SUMF1: variants seen among roughly 807,000 people sequenced by gnomAD.
The protein encoded by SUMF1 is sulfatase modifying factor 1, also known as formylglycine-generating enzyme.
In SUMF1, 48 loss-of-function variants were observed where a neutral mutation model predicts 47.6. The ratio of observed to expected loss-of-function variants is 1.01; its 90% CI spans 0.80 to 1.28. The LOEUF (loss-of-function observed/expected upper bound fraction) is 1.28, where lower values mean the gene tolerates loss of function less well. Ranked by LOEUF, SUMF1 falls within the 50% of genes most tolerant of loss-of-function variation. The pLI is 0.00. For missense variants in SUMF1, 571 were observed against 485.4 expected, an observed-to-expected ratio of 1.18 and a Z score of -1.66; for synonymous variants, 230 against 192.1, an observed-to-expected ratio of 1.20 and a Z score of -1.63.
At chr3:4,331,739 A>G in intron 8 of SUMF1, among the ~76,000 whole-genome samples, 1 of 152,208 alleles carries the variant, frequency 6.6e-6, no homozygotes, top group East Asian at 1.9e-4. Flanking sequence ...CTGAGGCAGG[A>G]GAATTGCGTG....
intron 1 of SUMF1, among the ~76,000 whole-genome samples, chr3:4,460,910 C>T (rs1206021256): frequency 2.0e-5 from 3 of 152,010 alleles, no homozygotes; most frequent in East Asian, 1.9e-4. Flanking sequence ...CTGCTTCAGC[C>T]TCCCAAAGTG....
intron 8 of SUMF1, among the ~76,000 whole-genome samples, chr3:4,294,929 C>A (rs144511662): frequency 3.9e-5 from 6 of 152,126 alleles, no homozygotes; most frequent in Non-Finnish European, 5.9e-5. Context: ...TCAATTCCTA[C>A]GTAGAGATCC....
intron 8 of SUMF1, among the ~76,000 whole-genome samples, chr3:4,146,008 G>T (rs988067529): frequency 1.3e-5 from 2 of 152,138 alleles, no homozygotes; most frequent in African/African-American, 2.4e-5. Context: ...TCTCCCTGTT[G>T]TGTCGACTTG....
chr3:4,387,494 G>C (rs927577156), intron 7 of SUMF1, among the ~76,000 whole-genome samples: 2 of 151,862 alleles, frequency 1.3e-5, no homozygotes, highest in African/African-American at 4.8e-5. Flanking sequence ...TGCTTTGTCA[G>C]ACTTGCTAGA....
intron 8 of SUMF1, among the ~76,000 whole-genome samples, chr3:4,215,963 G>C (rs995830034): frequency 6.6e-6 from 1 of 152,090 alleles, no homozygotes; most frequent in Non-Finnish European, 1.5e-5. Context: ...TGGTCATACT[G>C]CCCAAAGTAA....
In SUMF1 at chr3:4,382,734, G is replaced by A. The variant is rs186280729; in HGVS notation, c.955-6345C>T. 2.6e-3 allele frequency among the ~76,000 whole-genome samples: 399 copies of A among 152,286 alleles called. 3 individuals are homozygous for A. Among genetic ancestry groups the A allele is most frequent in the African/African-American group, 9.2e-3 (381 of 41,550 alleles). The stretch of plus-strand genomic sequence containing the variant: ...GCACATATACACCATGGGATACTAC[G>A]TAGCCATAAAAAAGGATGAGCTCAT... On this transcript the variant is annotated intron_variant, in intron 7 of 8. Transcript: ENST00000272902.
chr3:4,456,971 C>T (rs1288233052), intron 1 of SUMF1, among the ~76,000 whole-genome samples: 183 of 34,284 alleles, frequency 5.3e-3, no homozygotes, highest in Non-Finnish European at 7.1e-3. Context: ...TATATATATA[C>T]GTGTGTGTAT....
chr3:4,037,987 G>C (rs983808007), intron 9 of SUMF1, among the ~76,000 whole-genome samples: 7 of 152,070 alleles, frequency 4.6e-5, no homozygotes, highest in African/African-American at 1.4e-4. Flanking sequence ...TAGATGTAGT[G>C]GTCAGTTAGC....
At chr3:4,302,197 G>T (rs1697985309) in intron 8 of SUMF1, among the ~76,000 whole-genome samples, 1 of 152,214 alleles carries the variant, frequency 6.6e-6, no homozygotes, top group African/African-American at 2.4e-5. Context: ...CAGTCCTGAT[G>T]ACATGTGCCC....
chr3:4,248,067 G>T (rs1696708546), intron 8 of SUMF1, among the ~76,000 whole-genome samples: 1 of 152,290 alleles, frequency 6.6e-6, no homozygotes, highest in Non-Finnish European at 1.5e-5. Context: ...CATTATCATG[G>T]CTTTTGATAT....
At chr3:4,466,656 G>A (rs1408592045) in intron 1 of SUMF1, among the ~76,000 whole-genome samples, 1 of 152,156 alleles carries the variant, frequency 6.6e-6, no homozygotes, top group African/African-American at 2.4e-5. Context: ...CCGTTAATAA[G>A]AGAGGAAATG....
rs140252596 is a variant in SUMF1 at position 4,307,068 on chromosome 3, T to A, written c.1014+69262A>T. 2.3e-4 allele frequency among the ~76,000 whole-genome samples: 35 copies of A among 152,314 alleles called. No homozygotes were observed. The East Asian group carries it at 5.4e-3, about 23-fold the overall frequency. ...GCTGCTTGGAGGAAAAACAAACTTA[T>A]GAGGCTAGAGGCCAAGTACAAAGAT... is the stretch of plus-strand genomic sequence containing the variant. On this transcript the variant is annotated intron_variant and NMD_transcript_variant, in intron 8 of 12. Transcript: ENST00000448413.
chr3:4,456,880 GTGTGTGTATATATA>G (rs2079649181), intron 1 of SUMF1, among the ~76,000 whole-genome samples: 1 of 84,510 alleles, frequency 1.2e-5, no homozygotes, highest in South Asian at 3.3e-4. Context: ...ATATCTATAT[GTGTGTGTATATATA>G]TGTGTGTGTA....
chr3:4,420,454 G>A (rs1347822672), intron 3 of SUMF1, among the ~76,000 whole-genome samples: 2 of 150,566 alleles, frequency 1.3e-5, no homozygotes, highest in East Asian at 2.0e-4. Flanking sequence ...GGAGTGCAGG[G>A]GTTGCAATCT....
intron 8 of SUMF1, chr3:4,313,125 C>G (rs762422975): frequency 1.2e-6 from 2 of 1,613,856 alleles, no homozygotes; most frequent in African/African-American, 1.3e-5. Context: ...GTGACCACTG[C>G]AGAAACAGAG....
intron 9 of SUMF1, among the ~76,000 whole-genome samples, chr3:4,039,198 C>T (rs1418763758): frequency 2.0e-5 from 2 of 97,576 alleles, no homozygotes; most frequent in Non-Finnish European, 4.1e-5. Context: ...ATGCCTGAAA[C>T]ATCTATGCAA....
At chr3:4,211,990 C>T (rs926039281) in intron 8 of SUMF1, among the ~76,000 whole-genome samples, 48 of 152,164 alleles carry the variant, frequency 3.2e-4, no homozygotes, top group African/African-American at 1.1e-3. Flanking sequence ...GAAGGGGTGG[C>T]TGTGGGCACA....
chr3:4,165,546 AGTTGTG>A (rs1694680029), intron 8 of SUMF1, among the ~76,000 whole-genome samples: 1 of 152,058 alleles, frequency 6.6e-6, no homozygotes, highest in Non-Finnish European at 1.5e-5. Context: ...AACTTTGCAT[AGTTGTG>A]GATTATCTTT....
At chr3:4,465,662 CA>C (rs771646396) in intron 1 of SUMF1, among the ~76,000 whole-genome samples, 51 of 151,948 alleles carry the variant, frequency 3.4e-4, no homozygotes, top group Non-Finnish European at 8.8e-5. Flanking sequence ...AAGTAAAGGC[CA>C]AAAATTATAC....
Sources: allele counts gnomAD v4.1 joint callset (sites outside exome capture counted in the v4.1 genomes callset), GRCh38; gene constraint gnomAD v4.1.1; transcripts MANE v1.5; gene names NCBI Gene and HGNC (gene_info 2026-07-23, HGNC 2026-07-21).